DCLK3: variants seen among roughly 807,000 people sequenced by gnomAD.
The protein encoded by DCLK3 is serine/threonine-protein kinase DCLK3.
A neutral mutation model predicts 46.4 loss-of-function variants in DCLK3; 30 were observed. The ratio of observed to expected loss-of-function variants is 0.65; its 90% CI spans 0.48 to 0.88. The LOEUF (loss-of-function observed/expected upper bound fraction) is 0.88, where lower values mean the gene tolerates loss of function less well. Among genes scored for constraint, DCLK3 ranks in the 40% least tolerant of loss-of-function variants. The probability of loss-of-function intolerance (pLI) is 0.00; values close to 1 mark genes in which losing one functional copy is unlikely to be tolerated. For synonymous variants in DCLK3, 401 were observed against 339.2 expected, an observed-to-expected ratio of 1.18 and a Z score of -2.00; for missense variants, 846 against 907.1, an observed-to-expected ratio of 0.93 and a Z score of 0.87.
At chr3:36,755,275 A>T (rs1450239770) in intron 1 of DCLK3, among the ~76,000 whole-genome samples, 1 of 152,224 alleles carries the variant, frequency 6.6e-6, no homozygotes, top group African/African-American at 2.4e-5. Context: ...GAGGGAGGAC[A>T]GGAAGGAGAT....
intron 2 of DCLK3, chr3:36,729,934 TG>T (rs1279423583): frequency 6.6e-6 from 1 of 152,354 alleles, no homozygotes; most frequent in African/African-American, 2.4e-5. Flanking sequence ...TCCAGCACTT[TG>T]GGAGGCCAAG....
At chr3:36,716,583 C>A (rs1700983310) in intron 4 of DCLK3, among the ~76,000 whole-genome samples, 1 of 152,254 alleles carries the variant, frequency 6.6e-6, no homozygotes, top group African/African-American at 2.4e-5. Context: ...CCCCAGGCAA[C>A]ATGTCCAAGC....
chr3:36,720,869 C>T (rs913695621), intron 3 of DCLK3, among the ~76,000 whole-genome samples: 1 of 152,190 alleles, frequency 6.6e-6, no homozygotes. Flanking sequence ...CATCCCTTCT[C>T]CCTGTCACCA....
chr3:36,756,399 C>T (rs553438917), intron 1 of DCLK3, among the ~76,000 whole-genome samples: 2 of 152,318 alleles, frequency 1.3e-5, no homozygotes, highest in South Asian at 4.1e-4. Flanking sequence ...AGTCATCCAA[C>T]AGTGTTGCAG....
intron 1 of DCLK3, among the ~76,000 whole-genome samples, chr3:36,750,492 T>C (rs1486730018): frequency 6.6e-6 from 1 of 152,212 alleles, no homozygotes; most frequent in Non-Finnish European, 1.5e-5. Flanking sequence ...GGACTTTCCA[T>C]AAATAGTTAA....
intron 4 of DCLK3, among the ~76,000 whole-genome samples, chr3:36,715,786 A>T (rs895236913): frequency 2.0e-5 from 3 of 152,168 alleles, no homozygotes; most frequent in Non-Finnish European, 2.9e-5. Flanking sequence ...GTTAATTTAC[A>T]TTTGCATTTA....
chr3:36,734,426 T>C (rs1701235034), intron 2 of DCLK3, among the ~76,000 whole-genome samples: 2 of 152,152 alleles, frequency 1.3e-5, no homozygotes, highest in African/African-American at 4.8e-5. Context: ...AAAACAAATA[T>C]ATTAACCTAT....
chr3:36,722,710 T>G (rs1396444391), intron 2 of DCLK3, among the ~76,000 whole-genome samples: 1 of 152,196 alleles, frequency 6.6e-6, no homozygotes, highest in Non-Finnish European at 1.5e-5. Context: ...GCACAAGCTC[T>G]CTCTTTGCCT....
chr3:36,725,252 AAGTGAGCTGAGCTCGCGCCACTGCACTC>A (rs1395797830), intron 2 of DCLK3, among the ~76,000 whole-genome samples: 6 of 148,692 alleles, frequency 4.0e-5, no homozygotes, highest in Non-Finnish European at 5.9e-5. Flanking sequence ...GCGGAGCTTG[AAGTGAGCTGAGCTCGCGCCACTGCACTC>A]CAGCCTGGGC....
chr3:36,730,232 A>G lies in DCLK3; in HGVS notation c.1959+6976T>C, dbSNP rs991358278. 4.6e-5 allele frequency among the ~76,000 whole-genome samples: 7 copies of G among 151,862 alleles called. No individual in the cohort carries two copies. In the East Asian group the frequency reaches 7.8e-4, roughly 17 times the overall value. On this transcript the variant is annotated intron_variant, in intron 2 of 4. Transcript: ENST00000636136. ...CACACACACACACACACACACAAAC[A>G]CATAAACATACCATAATACAAAAGT...
chr3:36,745,845 C>T (rs570372084), intron 1 of DCLK3, among the ~76,000 whole-genome samples: 1 of 152,304 alleles, frequency 6.6e-6, no homozygotes, highest in East Asian at 1.9e-4. Flanking sequence ...TATGCCAACA[C>T]CCCAAGGAAG....
At chr3:36,732,905 A>G (rs1305826318) in intron 2 of DCLK3, among the ~76,000 whole-genome samples, 1 of 152,204 alleles carries the variant, frequency 6.6e-6, no homozygotes, top group Non-Finnish European at 1.5e-5. Context: ...GCAAAATAGA[A>G]GAGAAAAAGA....
intron 2 of DCLK3, among the ~76,000 whole-genome samples, chr3:36,735,032 C>G (rs1406927698): frequency 6.6e-6 from 1 of 152,140 alleles, no homozygotes; most frequent in Non-Finnish European, 1.5e-5. Context: ...CTAACTGTCT[C>G]CAAAAGAAAA....
chr3:36,747,456 CAT>C (rs572336086), intron 1 of DCLK3, among the ~76,000 whole-genome samples: 2 of 151,072 alleles, frequency 1.3e-5, no homozygotes, highest in Non-Finnish European at 3.0e-5. Context: ...ATATATTTCT[CAT>C]ATATATATAT....
chr3:36,723,214 G>A (rs746987063), intron 2 of DCLK3, among the ~76,000 whole-genome samples: 5 of 152,216 alleles, frequency 3.3e-5, no homozygotes, highest in African/African-American at 4.8e-5. Flanking sequence ...GAACTTGAGA[G>A]AGATGATTTA....
intron 1 of DCLK3, among the ~76,000 whole-genome samples, chr3:36,747,154 G>A (rs545967292): frequency 9.9e-5 from 15 of 152,222 alleles, no homozygotes; most frequent in African/African-American, 3.6e-4. Context: ...AAGTGGCAAA[G>A]GAAATGATCT....
intron 1 of DCLK3, among the ~76,000 whole-genome samples, chr3:36,751,340 C>T (rs994662366): frequency 6.6e-6 from 1 of 152,206 alleles, no homozygotes; most frequent in Non-Finnish European, 1.5e-5. Flanking sequence ...GCAGTCCTCA[C>T]TGCTGTGGGA....
chr3:36,737,978 C>T lies in DCLK3; in HGVS notation c.1189G>A (p.Gly397Ser). 2 of 1,614,156 alleles carry T rather than the reference C, an allele frequency of 1.2e-6. No homozygotes were observed. Among genetic ancestry groups the T allele is most frequent in the Non-Finnish European group, 1.7e-6 (2 of 1,180,034 alleles). Residue 397 changes from glycine (G) to serine (S), a missense_variant, in exon 2 of 5, where the codon GGC (glycine) becomes AGC (serine). Around this residue, in one of 3 missense-constraint regions of DCLK3, gnomAD observed 553 missense variants for 543.0 expected, o/e 1.02. Transcript: ENST00000636136. This position sits in a 1 kb window ranked among gnomAD's most constrained non-coding sequence, Gnocchi z 4.4. ...GCATGGCTTTCTTGATCCTCTGGGC[C>T]TCTGTCCTCTTTCTTGTCCATGCTC... ...SKSMDKKEDR[G>S]PEDQESHAQG... is the part of the protein sequence containing the mutation.
intron 2 of DCLK3, among the ~76,000 whole-genome samples, chr3:36,736,346 C>A (rs1701262405): frequency 6.6e-6 from 1 of 152,150 alleles, no homozygotes; most frequent in South Asian, 2.1e-4. Context: ...ACAGCAGCCA[C>A]AAAGGGGACA....
Sources: gnomAD v4.1 joint callset for allele counts (sites outside exome capture counted in the v4.1 genomes callset) on GRCh38, gnomAD v4.1.1 for gene constraint, gnomAD v4.1.1 regional missense constraint, Gnocchi (gnomAD v3.1) non-coding constraint, MANE v1.5 for transcripts, NCBI Gene and HGNC (gene_info 2026-07-23, HGNC 2026-07-21) for gene names.